Variants in SMYD3 observed in about 807,000 individuals in gnomAD.
The protein encoded by SMYD3 is SET and MYND domain containing 3.
SMYD3 carries 36 observed loss-of-function variants against 57.7 expected under a neutral mutation model. That is an observed-to-expected ratio of 0.62 (90% CI 0.48 to 0.82). The LOEUF is 0.82. Ranked by LOEUF, SMYD3 falls within the 40% of genes least tolerant of loss-of-function variation. The pLI is 0.00. For synonymous variants in SMYD3, 211 were observed against 195.0 expected (o/e 1.08, Z -0.68); for missense variants, 515 against 538.8 (o/e 0.96, Z 0.44).
At chr1:246,157,174 G>A (rs1045829719) in intron 5 of SMYD3, among the ~76,000 whole-genome samples, 2 of 152,086 alleles carry the variant, frequency 1.3e-5, no homozygotes, top group Admixed American at 6.6e-5. Context: ...CTGTCCCTTC[G>A]GGGCGCCCCC....
At chr1:245,935,695 T>G (rs188471123) in intron 5 of SMYD3, among the ~76,000 whole-genome samples, 1 of 152,192 alleles carries the variant, frequency 6.6e-6, no homozygotes, top group Admixed American at 6.5e-5. Context: ...TGGAGTAATA[T>G]TCAGCCCTTA....
At chr1:246,103,141 T>C (rs913743645) in intron 5 of SMYD3, among the ~76,000 whole-genome samples, 11 of 152,146 alleles carry the variant, frequency 7.2e-5, no homozygotes, top group African/African-American at 2.7e-4. Context: ...AATGAACAAA[T>C]GAATATAGGG....
At chr1:246,466,677 A>G (rs1427039470) in intron 1 of SMYD3, among the ~76,000 whole-genome samples, 4 of 152,186 alleles carry the variant, frequency 2.6e-5, no homozygotes, top group African/African-American at 9.7e-5. Context: ...TGAACCTAAA[A>G]TAAAAATTTT....
At chr1:246,111,048 A>C (rs990229932) in intron 5 of SMYD3, among the ~76,000 whole-genome samples, 1 of 152,184 alleles carries the variant, frequency 6.6e-6, no homozygotes. Context: ...ATAAGAAATG[A>C]CAGGTGAGCC....
intron 10 of SMYD3, among the ~76,000 whole-genome samples, chr1:245,824,896 C>T (rs954263716): frequency 2.7e-5 from 4 of 148,706 alleles, no homozygotes; most frequent in Non-Finnish European, 4.4e-5. Flanking sequence ...TCGGGTGTGG[C>T]GGCGTGTACC....
rs1187658457 is a variant in SMYD3, at chr1:246,326,729, A to C, written c.531+472T>G. On this transcript the variant is annotated intron_variant, in intron 5 of 11. Coordinates refer to ENST00000490107, the MANE Select transcript of SMYD3 (RefSeq NM_001167740.2). Reference sequence around the variant, plus strand: ...CAGTGAGCCGAGATCGCACCACTACACTCAAGCCTGGGTGACAGAACGAGA... The same window carrying C: ...CAGTGAGCCGAGATCGCACCACTACCCTCAAGCCTGGGTGACAGAACGAGA... 3.5e-5 allele frequency: 10 copies of C among 285,390 alleles called. No homozygotes were observed. The Admixed American group carries it at 5.0e-4, about 14-fold the overall frequency. 17.7% of individuals were successfully genotyped at this position (285,390 alleles called of 1,614,324 possible).
intron 2 of SMYD3, among the ~76,000 whole-genome samples, chr1:246,349,905 T>C (rs2065794982): frequency 6.6e-6 from 1 of 152,124 alleles, no homozygotes; most frequent in South Asian, 2.1e-4. Flanking sequence ...ACAGATACGA[T>C]AAATATTAAC....
At chr1:246,184,894 G>A (rs988346932) in intron 5 of SMYD3, among the ~76,000 whole-genome samples, 12 of 152,158 alleles carry the variant, frequency 7.9e-5, no homozygotes, top group African/African-American at 2.4e-5. Flanking sequence ...CCAGTCTGTG[G>A]AGTTTTGTTA....
At chr1:245,864,783 T>A (rs2051739692) in intron 8 of SMYD3, among the ~76,000 whole-genome samples, 2 of 152,094 alleles carry the variant, frequency 1.3e-5, no homozygotes, top group Admixed American at 6.5e-5. Flanking sequence ...ACCTCAATAA[T>A]GCTGATATTT....
chr1:246,321,545 C>T (rs1488496162), intron 5 of SMYD3: 1 of 152,138 alleles, frequency 6.6e-6, no homozygotes, highest in Non-Finnish European at 1.5e-5. Flanking sequence ...TGGGGTCTCA[C>T]TCCGTCCCCC....
chr1:245,990,845 T>G (rs899633776), intron 5 of SMYD3, among the ~76,000 whole-genome samples: 1 of 152,250 alleles, frequency 6.6e-6, no homozygotes, highest in African/African-American at 2.4e-5. Flanking sequence ...CATTGATTTG[T>G]GGTAATTTGT....
intron 5 of SMYD3, among the ~76,000 whole-genome samples, chr1:246,004,099 C>G (rs938459284): frequency 1.3e-5 from 2 of 152,136 alleles, no homozygotes; most frequent in African/African-American, 4.8e-5. Flanking sequence ...ATGAGCCTAC[C>G]GACTTCATAG....
At chr1:246,501,273 C>T (rs1409048852) in intron 1 of SMYD3, among the ~76,000 whole-genome samples, 1 of 152,288 alleles carries the variant, frequency 6.6e-6, no homozygotes, top group Admixed American at 6.5e-5. Context: ...CTCTACTGAC[C>T]CTTAAACCTT....
At chr1:245,894,520 A>G (rs34501534) in intron 8 of SMYD3, among the ~76,000 whole-genome samples, 85,297 of 151,818 alleles carry the variant, frequency 0.56, 27,268 homozygotes, top group Non-Finnish European at 0.74. Flanking sequence ...GAGCTCTAAC[A>G]CTCACCGCAA....
In SMYD3 at chr1:246,165,220, C is replaced by T. The variant is rs189202389; in HGVS notation, c.531+161981G>A. Among the ~76,000 whole-genome samples, 163 of 152,290 alleles carry T rather than the reference C, an allele frequency of 1.1e-3. 1 individual carries two copies. Among genetic ancestry groups the T allele is most frequent in the Middle Eastern group, 6.8e-3 (2 of 294 alleles). ...AGTTAAGGACCTGAACGCCAGACTA[C>T]AGCGGAGGTGACAAGAAGTAAGAAA... On this transcript the variant is annotated intron_variant, in intron 5 of 11. Coordinates refer to ENST00000490107, the MANE Select transcript of SMYD3 (RefSeq NM_001167740.2).
intron 5 of SMYD3, among the ~76,000 whole-genome samples, chr1:246,042,362 G>A (rs2059893348): frequency 1.3e-5 from 2 of 152,118 alleles, no homozygotes; most frequent in South Asian, 2.1e-4. Context: ...CCATGGGAAC[G>A]TATAAGAATA....
intron 1 of SMYD3, among the ~76,000 whole-genome samples, chr1:246,359,045 A>C (rs1357820255): frequency 6.6e-6 from 1 of 152,170 alleles, no homozygotes; most frequent in Non-Finnish European, 1.5e-5. Flanking sequence ...TTGAAAAGAT[A>C]AATAAAACTG....
intron 5 of SMYD3, among the ~76,000 whole-genome samples, chr1:246,030,553 GTA>G (rs924263612): frequency 5.3e-5 from 8 of 151,690 alleles, no homozygotes; most frequent in Non-Finnish European, 1.2e-4. Flanking sequence ...TTAGAGGAGA[GTA>G]TTTTTTAATG....
At chr1:245,849,479 G>T (rs1400814493) in intron 10 of SMYD3, among the ~76,000 whole-genome samples, 1 of 152,120 alleles carries the variant, frequency 6.6e-6, no homozygotes, top group African/African-American at 2.4e-5. Flanking sequence ...TGGACCAAAA[G>T]GGGAGTCAGG....
Sources: gnomAD v4.1 joint callset for allele counts (sites outside exome capture counted in the v4.1 genomes callset) on GRCh38, gnomAD v4.1.1 for gene constraint, MANE v1.5 for transcripts, NCBI Gene and HGNC (gene_info 2026-07-23, HGNC 2026-07-21) for gene names.